Variants in LRIG1 observed in about 807,000 individuals in gnomAD.
LRIG1 encodes leucine-rich repeats and immunoglobulin-like domains protein 1.
A neutral mutation model predicts 99.2 loss-of-function variants in LRIG1; 48 were observed. That is an observed-to-expected ratio of 0.48 (90% CI 0.38 to 0.62). The LOEUF is 0.62. Among genes scored for constraint, LRIG1 ranks in the 20% least tolerant of loss-of-function variants. The probability of loss-of-function intolerance (pLI) is 0.00; values close to 1 mark genes in which losing one functional copy is unlikely to be tolerated. For synonymous variants in LRIG1, 772 were observed against 596.1 expected, an observed-to-expected ratio of 1.29 and a Z score of -4.30; for missense variants, 1,646 against 1,434.4, an observed-to-expected ratio of 1.15 and a Z score of -2.38.
chr3:66,380,873 C>T lies in LRIG1; in HGVS notation c.2771-12G>A, dbSNP rs114807955. 1,469 of 1,611,914 alleles carry T rather than the reference C, an allele frequency of 9.1e-4. 10 individuals are homozygous for T. In the African/African-American group the frequency reaches 0.017, roughly 19 times the overall value. On this transcript the variant is annotated splice_polypyrimidine_tract_variant and intron_variant, in intron 17 of 18. Transcript: ENST00000273261. Reference sequence around the variant, plus strand: ...CCGGCCACCGTGTTCTGAAGGACAGCGCCAAAGATGGGTTAGAGTCACTGC... The same window carrying T: ...CCGGCCACCGTGTTCTGAAGGACAGTGCCAAAGATGGGTTAGAGTCACTGC...
chr3:66,430,030 GCCC>G (rs1703115786), intron 3 of LRIG1, among the ~76,000 whole-genome samples: 3 of 152,106 alleles, frequency 2.0e-5, no homozygotes, highest in African/African-American at 4.8e-5. Flanking sequence ...TATAGCCTTA[GCCC>G]CCAGAATAAC....
intron 1 of LRIG1, among the ~76,000 whole-genome samples, chr3:66,469,553 T>G (rs1387920351): frequency 2.0e-5 from 3 of 152,172 alleles, no homozygotes; most frequent in African/African-American, 7.2e-5. Flanking sequence ...TGTGATCCCA[T>G]AAGGTCTTAC....
intron 3 of LRIG1, among the ~76,000 whole-genome samples, chr3:66,427,097 C>A (rs1428482510): frequency 6.6e-6 from 1 of 152,190 alleles, no homozygotes; most frequent in East Asian, 1.9e-4. Flanking sequence ...ACACCCCCGG[C>A]CCCCATTACC....
chr3:66,495,406 A>G (rs1378748141), intron 1 of LRIG1, among the ~76,000 whole-genome samples: 1 of 152,208 alleles, frequency 6.6e-6, no homozygotes, highest in African/African-American at 2.4e-5. Context: ...AGGGTTTCAA[A>G]TTGCAGTCAC....
intron 3 of LRIG1, among the ~76,000 whole-genome samples, chr3:66,423,003 C>T (rs535303212): frequency 6.6e-6 from 1 of 152,258 alleles, no homozygotes; most frequent in East Asian, 1.9e-4. Flanking sequence ...GAGAACAGCA[C>T]AGGAAGGACC....
intron 2 of LRIG1, among the ~76,000 whole-genome samples, chr3:66,458,902 A>C (rs1700290443): frequency 6.6e-6 from 1 of 151,748 alleles, no homozygotes. Flanking sequence ...CTGTAATCCC[A>C]GCTACCTGGG....
At chr3:66,451,121 G>A (rs558321281) in intron 3 of LRIG1, among the ~76,000 whole-genome samples, 5 of 152,156 alleles carry the variant, frequency 3.3e-5, no homozygotes, top group African/African-American at 1.2e-4. Context: ...TGATTCCAGA[G>A]GCCTGGGGGC....
At chr3:66,437,313 G>A (rs1329910606) in intron 3 of LRIG1, among the ~76,000 whole-genome samples, 16 of 152,200 alleles carry the variant, frequency 1.1e-4, no homozygotes, top group Non-Finnish European at 2.2e-4. Flanking sequence ...AGCAAACAGA[G>A]GCTTGAAAAG....
intron 1 of LRIG1, among the ~76,000 whole-genome samples, chr3:66,488,935 G>A (rs1701037122): frequency 6.6e-6 from 1 of 152,192 alleles, no homozygotes; most frequent in South Asian, 2.1e-4. Context: ...GACCCTTTGG[G>A]AAAACATGCC....
intron 12 of LRIG1, among the ~76,000 whole-genome samples, chr3:66,388,748 A>C (rs1197628320): frequency 6.6e-6 from 1 of 152,224 alleles, no homozygotes; most frequent in Admixed American, 6.5e-5. Flanking sequence ...CTATGTATTA[A>C]AAAACCTATC....
At position 66,388,128 on chromosome 3, in the gene LRIG1, A is replaced by G. The variant is rs968876546; in HGVS notation, c.1469-1827T>C. Reference sequence around the variant, plus strand: ...TCTCAAAAAAAAAAAAAAAAAAAAAAAAAAGGATAAAGTATGAGAAAATTT... The same window carrying G: ...TCTCAAAAAAAAAAAAAAAAAAAAAGAAAAGGATAAAGTATGAGAAAATTT... On this transcript the variant is annotated intron_variant, in intron 12 of 18. Transcript: ENST00000273261. 2 of 150,408 alleles carry G rather than the reference A, an allele frequency of 1.3e-5. 1 individual carries two copies. The highest frequency in any genetic ancestry group is 4.9e-5 in the African/African-American group (2 of 41,080). 9.3% of individuals were successfully genotyped at this position (150,408 alleles called of 1,614,324 possible). A position where few individuals can be genotyped will look rare whatever the true frequency, so the allele number is the denominator to read the frequency against.
intron 2 of LRIG1, among the ~76,000 whole-genome samples, chr3:66,457,536 G>A (rs1041557166): frequency 1.3e-5 from 2 of 152,156 alleles, no homozygotes; most frequent in East Asian, 1.9e-4. Flanking sequence ...AGTTCCAAAC[G>A]TAGCAGGAGA....
intron 7 of LRIG1, 148 bp from the exon 8 acceptor site, chr3:66,407,639 A>C: frequency 1.2e-6 from 1 of 804,644 alleles, no homozygotes. Context: ...ACACACCCAC[A>C]CCCACAGAAT....
At chr3:66,488,428 A>G (rs1701022048) in intron 1 of LRIG1, among the ~76,000 whole-genome samples, 1 of 151,084 alleles carries the variant, frequency 6.6e-6, no homozygotes, top group South Asian at 2.1e-4. Flanking sequence ...TGAGTTCAAA[A>G]CCAGCCTGGC....
At chr3:66,445,998 A>T (rs1383079697) in intron 3 of LRIG1, among the ~76,000 whole-genome samples, 1 of 152,158 alleles carries the variant, frequency 6.6e-6, no homozygotes, top group Non-Finnish European at 1.5e-5. Flanking sequence ...TATTCCCCCC[A>T]GCCCTGAGCT....
chr3:66,449,391 T>G (rs1359257549), intron 3 of LRIG1, among the ~76,000 whole-genome samples: 1 of 152,214 alleles, frequency 6.6e-6, no homozygotes, highest in African/African-American at 2.4e-5. Context: ...TGGCTGCCAG[T>G]GCTAACCTGC....
At chr3:66,427,699 T>A (rs113357023) in intron 3 of LRIG1, among the ~76,000 whole-genome samples, 263 of 152,342 alleles carry the variant, frequency 1.7e-3, no homozygotes, top group Middle Eastern at 0.017. Flanking sequence ...TGCTGGCAGT[T>A]GTTTTGTTTG....
chr3:66,405,589 G>A (rs938906067), intron 8 of LRIG1, among the ~76,000 whole-genome samples: 6 of 152,168 alleles, frequency 3.9e-5, no homozygotes, highest in East Asian at 1.9e-4. Flanking sequence ...CCGAGAGAGC[G>A]GACATCTGGC....
intron 1 of LRIG1, among the ~76,000 whole-genome samples, chr3:66,491,975 A>C (rs930973204): frequency 6.6e-6 from 1 of 152,180 alleles, no homozygotes; most frequent in Non-Finnish European, 1.5e-5. Context: ...CTTAATTCAA[A>C]ATTTTTTCTA....
Sources: allele counts gnomAD v4.1 joint callset (sites outside exome capture counted in the v4.1 genomes callset), GRCh38; gene constraint gnomAD v4.1.1; transcripts MANE v1.5; gene names NCBI Gene and HGNC (gene_info 2026-07-23, HGNC 2026-07-21).